The following ARHGAP39 variants were observed in gnomAD, a reference collection of about 807,000 sequenced individuals.
ARHGAP39 encodes Rho GTPase activating protein 39.
A neutral mutation model predicts 106.9 loss-of-function variants in ARHGAP39; 44 were observed. The observed-to-expected ratio is 0.41, with a 90% CI of 0.32 to 0.53. The LOEUF is 0.53. Among genes scored for constraint, ARHGAP39 ranks in the 20% least tolerant of loss-of-function variants. ARHGAP39 has a pLI of 0.21. For synonymous variants in ARHGAP39, 768 were observed against 693.2 expected (o/e 1.11, Z -1.69); for missense variants, 1,496 against 1,577.3 (o/e 0.95, Z 0.87).
In ARHGAP39 at chr8:144,547,614, G is replaced by A. The variant is rs1394532233; in HGVS notation, c.1472C>T (p.Thr491Met). The A allele has an allele frequency of 4.7e-6, 7 of 1,491,648 alleles. No individual in the cohort carries two copies. The highest frequency in any genetic ancestry group is 2.3e-5 in the Admixed American group (1 of 44,140). 92.4% of individuals were successfully genotyped at this position (1,491,648 alleles called of 1,614,324 possible). The change falls in exon 5 of 12, where the codon ACG (threonine) becomes ATG (methionine). Residue 491 changes from threonine to methionine, a missense_variant. Physicochemically the swap from Thr to Met is moderately conservative, Grantham distance 81. Transcript: ENST00000377307. This position sits in a 1 kb window ranked among gnomAD's most constrained non-coding sequence, Gnocchi z 5.2. ...TLSSTGYSPG[T>M]RKRKSRKPSL... ...GGGCTTTCTGCTCTTCCGCTTGCGCGTGCCCGGGGAGTAGCCTGTGGAGGA... is the reference window on the plus strand; with the variant it reads ...GGGCTTTCTGCTCTTCCGCTTGCGCATGCCCGGGGAGTAGCCTGTGGAGGA...
intron 1 of ARHGAP39, among the ~76,000 whole-genome samples, chr8:144,672,248 T>C (rs1218485165): frequency 6.6e-6 from 1 of 152,314 alleles, no homozygotes; most frequent in East Asian, 1.9e-4. Context: ...AAACTTACAC[T>C]GCAGAGGCTT....
rs535869302 is a variant in ARHGAP39, at chr8:144,604,238, G to C, written c.80+1297C>G. ...GGGGGGTGCGGGCGAGGCCTCTGTC[G>C]GGGTCAGAGGTCATGTTGCCAGGTG... On this transcript the variant is annotated intron_variant, in intron 2 of 11. Coordinates refer to ENST00000377307, the MANE Select transcript of ARHGAP39 (RefSeq NM_025251.3). This position sits in a 1 kb window ranked among gnomAD's most constrained non-coding sequence, Gnocchi z 4.1. Among the ~76,000 whole-genome samples the C allele has an allele frequency of 6.6e-6, 1 of 152,296 alleles. No homozygotes were observed. Among genetic ancestry groups the C allele is most frequent in the Admixed American group, 6.5e-5 (1 of 15,296 alleles).
chr8:144,605,751 C>T (rs1820266614), intron 1 of ARHGAP39, 56 bp from the exon 2 acceptor site: 1 of 811,908 alleles, frequency 1.2e-6, no homozygotes, highest in African/African-American at 1.7e-5. Context: ...CCACACCAAT[C>T]ACCCGGCCCA....
intron 3 of ARHGAP39, 147 bp from the exon 4 acceptor site, chr8:144,555,790 C>G: frequency 1.4e-6 from 1 of 713,722 alleles, no homozygotes; most frequent in African/African-American, 1.7e-5. Context: ...TCTTCATCTT[C>G]TGCCCTGAGT....
chr8:144,559,511 G>C (rs929862221), intron 3 of ARHGAP39, among the ~76,000 whole-genome samples: 1 of 152,088 alleles, frequency 6.6e-6, no homozygotes, highest in Non-Finnish European at 1.5e-5. Context: ...TACACAGCAA[G>C]TAGGCTGGAG....
the ARHGAP39 span, among the ~76,000 whole-genome samples, chr8:144,695,757 T>C: frequency 3.3e-5 from 5 of 152,312 alleles, no homozygotes; most frequent in East Asian, 9.6e-4. Context: ...TAAACAGTTC[T>C]AGGTGCAGGG....
the ARHGAP39 span, among the ~76,000 whole-genome samples, chr8:144,693,285 G>A: frequency 5.4e-5 from 8 of 148,324 alleles, no homozygotes; most frequent in East Asian, 1.2e-3. Context: ...GGCTGGTCTC[G>A]AACTCCTGAC....
In ARHGAP39 at chr8:144,547,002, C is replaced by A; in HGVS notation, c.1959+125G>T. On this transcript the variant is annotated intron_variant, in intron 5 of 11. Transcript: ENST00000377307. This position sits in a 1 kb window ranked among gnomAD's most constrained non-coding sequence, Gnocchi z 5.2. ...TGCCCAGGGCCCCGGAGACACGGGG[C>A]TTCAGAACTCTGCGTGCTGCGTGCA... The A allele has an allele frequency of 8.1e-7, 1 of 1,238,910 alleles. No homozygotes were observed. The highest frequency in any genetic ancestry group is 1.1e-6 in the Non-Finnish European group (1 of 926,632). The allele number at this position is 1,238,910 out of a possible 1,614,324, so 76.7% of individuals were successfully genotyped here. A position where few individuals can be genotyped will look rare whatever the true frequency, so the allele number is the denominator to read the frequency against.
chr8:144,634,905 G>A (rs1821138612), intron 1 of ARHGAP39, among the ~76,000 whole-genome samples: 1 of 152,314 alleles, frequency 6.6e-6, no homozygotes. Flanking sequence ...CCCTGTGCGG[G>A]TGTAGTCTCC....
chr8:144,610,686 T>C (rs1185602808), intron 1 of ARHGAP39, among the ~76,000 whole-genome samples: 3 of 151,684 alleles, frequency 2.0e-5, no homozygotes, highest in East Asian at 3.9e-4. Flanking sequence ...CACTCCAGCC[T>C]GGGCGACAGT....
At chr8:144,557,021 T>C (rs1443059165) in intron 3 of ARHGAP39, among the ~76,000 whole-genome samples, 4 of 145,298 alleles carry the variant, frequency 2.8e-5, no homozygotes, top group Admixed American at 6.7e-5. Context: ...CTTCATAGTA[T>C]TCAGTGGCAA....
In ARHGAP39 at chr8:144,586,882, T is replaced by G. The variant is rs1284274220; in HGVS notation, c.81-5605A>C. Reference sequence around the variant, plus strand: ...ACACCAGGATGGGCAATGATATGGTTTGGCTGTGTCCCCACCCAAATCTCC... The same window carrying G: ...ACACCAGGATGGGCAATGATATGGTGTGGCTGTGTCCCCACCCAAATCTCC... On this transcript the variant is annotated intron_variant, in intron 2 of 11. Coordinates refer to ENST00000377307, the MANE Select transcript of ARHGAP39 (RefSeq NM_025251.3). This position sits in a 1 kb window ranked among gnomAD's most constrained non-coding sequence, Gnocchi z 4.2. Among the ~76,000 whole-genome samples the G allele has an allele frequency of 6.6e-6, 1 of 152,222 alleles. No individual in the cohort carries two copies. Among genetic ancestry groups the G allele is most frequent in the Non-Finnish European group, 1.5e-5 (1 of 68,028 alleles).
chr8:144,530,376 C>T lies in ARHGAP39; in HGVS notation c.*46G>A. 4 of 1,541,912 alleles carry T rather than the reference C, an allele frequency of 2.6e-6. No individual in the cohort carries two copies. The highest frequency in any genetic ancestry group is 1.2e-5 in the South Asian group (1 of 84,150). On this transcript the variant is annotated 3_prime_UTR_variant, in exon 12 of 12. Coordinates refer to ENST00000377307, the MANE Select transcript of ARHGAP39 (RefSeq NM_025251.3). ...CGGGAGAGCGAGTGCGGAGTTCGGC[C>T]TGGCTGGGGGCGGCAGGACATCCCT... is the stretch of plus-strand genomic sequence containing the variant.
At chr8:144,594,460 C>T (rs543566479) in intron 2 of ARHGAP39, among the ~76,000 whole-genome samples, 7 of 152,172 alleles carry the variant, frequency 4.6e-5, no homozygotes, top group African/African-American at 1.7e-4. Context: ...TTTGGGAGGC[C>T]GAGGTGGGCA....
chr8:144,538,627 G>A (rs1431938558), intron 6 of ARHGAP39, among the ~76,000 whole-genome samples: 1 of 152,142 alleles, frequency 6.6e-6, no homozygotes, highest in African/African-American at 2.4e-5. Context: ...TGCGATCTCA[G>A]CTCACTGCAA....
Position 144,532,017 on chromosome 8 carries a change from G to C in ARHGAP39, c.2980+288C>G, listed in dbSNP as rs11248207. On this transcript the variant is annotated intron_variant, in intron 10 of 11. Coordinates refer to ENST00000377307, the MANE Select transcript of ARHGAP39 (RefSeq NM_025251.3). ...GGCACGGCAGAAGGGCACAGGGCAG[G>C]GAGCAGCAGGTGGGGAGTAGGCTAG... Among the ~76,000 whole-genome samples the C allele has an allele frequency of 6.1e-3, 621 of 102,638 alleles. 12 individuals carry two copies. Among genetic ancestry groups the C allele is most frequent in the African/African-American group, 0.033 (517 of 15,650 alleles). The allele number at this position is 102,638 out of a possible 152,430, so 67.3% of individuals were successfully genotyped here. A position where few individuals can be genotyped will look rare whatever the true frequency, so the allele number is the denominator to read the frequency against.
At chr8:144,691,966 G>A in the ARHGAP39 span, among the ~76,000 whole-genome samples, 1 of 151,858 alleles carries the variant, frequency 6.6e-6, no homozygotes, top group Non-Finnish European at 1.5e-5. Flanking sequence ...AAGGCACTTT[G>A]TCTTGGAAAT....
At chr8:144,666,998 C>T (rs1489986374) in intron 1 of ARHGAP39, among the ~76,000 whole-genome samples, 1 of 152,236 alleles carries the variant, frequency 6.6e-6, no homozygotes, top group Non-Finnish European at 1.5e-5. Context: ...AGAACCTTTG[C>T]ACGCAAGGCC....
chr8:144,608,632 C>A (rs1051682613), intron 1 of ARHGAP39, among the ~76,000 whole-genome samples: 1 of 152,196 alleles, frequency 6.6e-6, no homozygotes, highest in African/African-American at 2.4e-5. Context: ...TCGATTTCTA[C>A]AAAATAGCCT....
Sources: gnomAD v4.1 joint callset for allele counts (sites outside exome capture counted in the v4.1 genomes callset) on GRCh38, gnomAD v4.1.1 for gene constraint, Gnocchi (gnomAD v3.1) non-coding constraint, MANE v1.5 for transcripts, NCBI Gene and HGNC (gene_info 2026-07-23, HGNC 2026-07-21) for gene names.